ZBTB46: variants seen among roughly 807,000 people sequenced by gnomAD.
The protein encoded by ZBTB46 is zinc finger and BTB domain-containing protein 46.
A neutral mutation model predicts 44.1 loss-of-function variants in ZBTB46; 8 were observed. That is an observed-to-expected ratio of 0.18 (90% confidence interval 0.11 to 0.33). ZBTB46 has a LOEUF of 0.33. ZBTB46 is among the 10% of genes least tolerant of loss of function. The pLI is 1.00. For missense variants in ZBTB46, 651 were observed against 847.7 expected (o/e 0.77, Z 2.88); for synonymous variants, 409 against 382.3 (o/e 1.07, Z -0.81).
intron 3 of ZBTB46, chr20:63,775,414 T>G: frequency 2.5e-6 from 1 of 402,888 alleles, no homozygotes; most frequent in East Asian, 3.9e-5. Flanking sequence ...GTGAGAAACA[T>G]TCCAGCAAGC....
At chr20:63,809,006 GAAAAAAA>G (rs1203809736) in intron 1 of ZBTB46, among the ~76,000 whole-genome samples, 1 of 122,616 alleles carries the variant, frequency 8.2e-6, no homozygotes, top group African/African-American at 3.0e-5. Flanking sequence ...AAAAGAAAAA[GAAAAAAA>G]AAAAAGAAAG....
At chr20:63,809,528 G>C (rs527798983) in intron 1 of ZBTB46, among the ~76,000 whole-genome samples, 2 of 152,282 alleles carry the variant, frequency 1.3e-5, no homozygotes, top group African/African-American at 4.8e-5. Flanking sequence ...GAGACAGCAG[G>C]AGCTCCGCGA....
At chr20:63,801,471 G>A (rs1244071811) in intron 1 of ZBTB46, among the ~76,000 whole-genome samples, 1 of 152,232 alleles carries the variant, frequency 6.6e-6, no homozygotes. Flanking sequence ...GGTGGGGCCA[G>A]GTAAGGGAAT....
rs764302504 is a variant in ZBTB46 at position 63,789,674 on chromosome 20, G to A, written c.937+147C>T. 3.0e-4 allele frequency: 413 copies of A among 1,358,164 alleles called. 1 individual carries two copies. The highest frequency in any genetic ancestry group is 5.3e-4 in the South Asian group (37 of 69,202). The allele number at this position is 1,358,164 out of a possible 1,614,324, so 84.1% of individuals were successfully genotyped here. On this transcript the variant is annotated intron_variant, in intron 2 of 4. Transcript: ENST00000245663. Reference sequence around the variant, plus strand: ...GAGATGCATTGGCTGCATTCCCAGCGGTCACGACAACCTCCTGTAAGAGGA... The same window carrying A: ...GAGATGCATTGGCTGCATTCCCAGCAGTCACGACAACCTCCTGTAAGAGGA...
In ZBTB46 at chr20:63,787,291, T is replaced by TCCTAGCCATCGCCAC. The variant is rs2092524206; in HGVS notation, c.937+2515_937+2529dup. 6.6e-6 allele frequency among the ~76,000 whole-genome samples: 1 copy of TCCTAGCCATCGCCAC among 152,076 alleles called. No individual in the cohort carries two copies. The highest frequency in any genetic ancestry group is 2.4e-5 in the African/African-American group (1 of 41,418). On this transcript the variant is annotated intron_variant, in intron 2 of 4. Coordinates refer to ENST00000245663, the MANE Select transcript of ZBTB46 (RefSeq NM_001369741.1). The surrounding 1 kb of genome is among the most constrained non-coding windows in gnomAD (Gnocchi z 4.6). ...GCCATCGCCATCCTAGCCATCGCCA[T>TCCTAGCCATCGCCAC]CCTAGCCATCGCCACATCCTAGCAC...
intron 1 of ZBTB46, 63 bp downstream of exon 1, chr20:63,831,034 G>C (rs1233113915): frequency 7.0e-6 from 1 of 142,240 alleles, no homozygotes; most frequent in Non-Finnish European, 1.6e-5. Flanking sequence ...TCCCGGCTCC[G>C]GGCCCGGCCC....
chr20:63,792,051 T>C (rs2092565282), intron 1 of ZBTB46, among the ~76,000 whole-genome samples: 3 of 152,198 alleles, frequency 2.0e-5, no homozygotes, highest in South Asian at 4.1e-4. Context: ...CTTCTCCCGG[T>C]GTGCACGTCT....
intron 1 of ZBTB46, among the ~76,000 whole-genome samples, chr20:63,827,797 TACTC>T (rs1055049601): frequency 2.6e-5 from 4 of 152,276 alleles, no homozygotes; most frequent in African/African-American, 9.6e-5. Flanking sequence ...GCACTGCTGA[TACTC>T]AACTATGCAA....
chr20:63,812,859 G>T (rs1467756607), intron 1 of ZBTB46, among the ~76,000 whole-genome samples: 1 of 152,128 alleles, frequency 6.6e-6, no homozygotes, highest in Non-Finnish European at 1.5e-5. Flanking sequence ...ACTTTGAGAG[G>T]CCAAGGCAGG....
intron 3 of ZBTB46, among the ~76,000 whole-genome samples, chr20:63,771,193 C>A (rs1369268862): frequency 6.6e-6 from 1 of 152,228 alleles, no homozygotes. Context: ...TTGTCTTCTT[C>A]TCTCTTCCGA....
At chr20:63,775,545 G>T in intron 3 of ZBTB46, 133 bp downstream of exon 3, 3 of 1,219,812 alleles carry the variant, frequency 2.5e-6, no homozygotes, top group Non-Finnish European at 3.3e-6. Context: ...CTCACCTCCC[G>T]CAACAGGGAG....
Position 63,790,799 on chromosome 20 carries a change from G to A in ZBTB46, c.-33-9C>T, listed in dbSNP as rs763511830. 5.6e-5 allele frequency: 86 copies of A among 1,537,960 alleles called. No individual in the cohort carries two copies. The highest frequency in any genetic ancestry group is 5.1e-4 in the Middle Eastern group (3 of 5,850). ...CGCCTCTTCTACAGACTCTGTGGAG[G>A]TAAGAACAAGAGTTACCCAAGCTCA... On this transcript the variant is annotated splice_polypyrimidine_tract_variant and intron_variant, in intron 1 of 4. Transcript: ENST00000245663.
intron 2 of ZBTB46, among the ~76,000 whole-genome samples, chr20:63,778,145 C>T (rs1193232668): frequency 6.6e-6 from 1 of 151,662 alleles, no homozygotes; most frequent in Non-Finnish European, 1.5e-5. Flanking sequence ...ATACCAAAAA[C>T]CTCTGAACTG....
intron 3 of ZBTB46, among the ~76,000 whole-genome samples, chr20:63,761,412 G>A (rs1006177662): frequency 1.3e-5 from 2 of 152,102 alleles, no homozygotes; most frequent in African/African-American, 2.4e-5. Flanking sequence ...TATAACTAGA[G>A]CTGTAAGTTT....
At chr20:63,815,831 G>T (rs1228515086) in intron 1 of ZBTB46, among the ~76,000 whole-genome samples, 4 of 147,416 alleles carry the variant, frequency 2.7e-5, no homozygotes, top group Admixed American at 2.7e-4. Flanking sequence ...GTGAGTGCAG[G>T]TGAGCACAGG....
At chr20:63,798,592 T>C (rs1401336670) in intron 1 of ZBTB46, among the ~76,000 whole-genome samples, 3 of 143,644 alleles carry the variant, frequency 2.1e-5, no homozygotes, top group Non-Finnish European at 4.5e-5. Flanking sequence ...GGAGAATCAC[T>C]TGAGCCTGGG....
At chr20:63,807,074 G>T (rs1391981234) in intron 1 of ZBTB46, among the ~76,000 whole-genome samples, 2 of 152,086 alleles carry the variant, frequency 1.3e-5, no homozygotes, top group Non-Finnish European at 2.9e-5. Context: ...GAGCCACCAC[G>T]CCTGGCCAGG....
At chr20:63,764,528 T>C (rs2092302234) in intron 3 of ZBTB46, among the ~76,000 whole-genome samples, 1 of 151,966 alleles carries the variant, frequency 6.6e-6, no homozygotes, top group South Asian at 2.1e-4. Context: ...ACGTCATTCA[T>C]TGTCTTCTAG....
upstream of ZBTB46, among the ~76,000 whole-genome samples, chr20:63,832,939 A>G (rs1425445773): frequency 6.6e-6 from 1 of 151,808 alleles, no homozygotes; most frequent in Non-Finnish European, 1.5e-5. The surrounding 1 kb of genome is among the most constrained non-coding windows in gnomAD (Gnocchi z 5.0). Flanking sequence ...CCACGGAGGA[A>G]AGGAGGCCTG....
Sources: allele counts gnomAD v4.1 joint callset (sites outside exome capture counted in the v4.1 genomes callset), GRCh38; gene constraint gnomAD v4.1.1; non-coding constraint Gnocchi (gnomAD v3.1); transcripts MANE v1.5; gene names NCBI Gene and HGNC (gene_info 2026-07-23, HGNC 2026-07-21).